The following DCDC1 variants were observed in gnomAD, a reference collection of about 807,000 sequenced individuals.
DCDC1 encodes doublecortin domain containing 1.
A neutral mutation model predicts 178.3 loss-of-function variants in DCDC1; 200 were observed. The observed-to-expected ratio is 1.12, with a 90% CI of 1.00 to 1.26. The LOEUF (loss-of-function observed/expected upper bound fraction) is 1.26. Among genes scored for constraint, DCDC1 ranks in the 50% most tolerant of loss-of-function variants. The pLI is 0.00. For synonymous variants in DCDC1, 690 were observed against 604.8 expected (o/e 1.14, Z -2.07); for missense variants, 1,983 against 1,749.2 (o/e 1.13, Z -2.38).
chr11:30,974,338 GA>G (rs1237032778), intron 20 of DCDC1, among the ~76,000 whole-genome samples: 1 of 146,772 alleles, frequency 6.8e-6, no homozygotes, highest in Non-Finnish European at 1.5e-5. Context: ...ACAAAAGCAA[GA>G]AAAAAATCCC....
At chr11:30,901,866 T>A (rs1944697451) in intron 32 of DCDC1, among the ~76,000 whole-genome samples, 1 of 152,160 alleles carries the variant, frequency 6.6e-6, no homozygotes, top group Non-Finnish European at 1.5e-5. Flanking sequence ...ACAAAATAAG[T>A]AATATCCTAT....
In DCDC1 at chr11:31,334,765, C is replaced by T. The variant is rs187044547; in HGVS notation, c.-7+682G>A. Among the ~76,000 whole-genome samples the T allele has an allele frequency of 1.5e-4, 23 of 152,294 alleles. No individual in the cohort carries two copies. In the East Asian group the frequency reaches 4.1e-3, roughly 27 times the overall value. ...AGCAAATACTGCTGCCTGATCCTTCCTCTGGAAACTTCGTCCCAGAGGGGT... is the reference window on the plus strand; with the variant it reads ...AGCAAATACTGCTGCCTGATCCTTCTTCTGGAAACTTCGTCCCAGAGGGGT... On this transcript the variant is annotated intron_variant, in intron 2 of 38. Transcript: ENST00000684477.
chr11:30,933,359 A>G lies in DCDC1; in HGVS notation c.2716-1407T>C, dbSNP rs534580171. ...GTTAAGAAATTTATATTTTGTTAATATTTTTTCTTGAATTTGTGTTAAATC... is the reference window on the plus strand; with the variant it reads ...GTTAAGAAATTTATATTTTGTTAATGTTTTTTCTTGAATTTGTGTTAAATC... On this transcript the variant is annotated intron_variant, in intron 21 of 38. Transcript: ENST00000684477. 9.4e-4 allele frequency among the ~76,000 whole-genome samples: 142 copies of G among 151,806 alleles called. 1 individual carries two copies. The highest frequency in any genetic ancestry group is 3.4e-3 in the Middle Eastern group (1 of 294).
chr11:30,930,534 A>G (rs2134308367), intron 22 of DCDC1, among the ~76,000 whole-genome samples: 1 of 152,278 alleles, frequency 6.6e-6, no homozygotes, highest in Non-Finnish European at 1.5e-5. Flanking sequence ...ATGAACTGGG[A>G]CATACTGTTC....
chr11:30,981,891 G>A (rs1231133968), intron 20 of DCDC1, among the ~76,000 whole-genome samples: 1 of 151,970 alleles, frequency 6.6e-6, no homozygotes, highest in Non-Finnish European at 1.5e-5. Flanking sequence ...GAGCCAAAAA[G>A]AGCCACCCAG....
At chr11:31,306,960 C>A (rs1948502819) in intron 4 of DCDC1, among the ~76,000 whole-genome samples, 1 of 152,056 alleles carries the variant, frequency 6.6e-6, no homozygotes, top group Non-Finnish European at 1.5e-5. Flanking sequence ...TGTCTTCAGG[C>A]AAAACTAATT....
chr11:31,094,546 C>T (rs1037607073), intron 15 of DCDC1, among the ~76,000 whole-genome samples: 1 of 152,104 alleles, frequency 6.6e-6, no homozygotes, highest in African/African-American at 2.4e-5. Flanking sequence ...ACGCTCATTT[C>T]TGCTGGAGTA....
intron 20 of DCDC1, among the ~76,000 whole-genome samples, chr11:30,988,699 G>A (rs1420627803): frequency 2.6e-5 from 4 of 152,066 alleles, no homozygotes; most frequent in African/African-American, 9.7e-5. Flanking sequence ...TAACACTAAT[G>A]ATAGCTGATA....
chr11:31,213,179 C>G (rs901766282), intron 9 of DCDC1, among the ~76,000 whole-genome samples: 2 of 134,328 alleles, frequency 1.5e-5, no homozygotes, highest in Non-Finnish European at 3.1e-5. Flanking sequence ...TTTACCAGGG[C>G]AGTGGTTTGC....
At chr11:31,260,891 A>G (rs1226087227) in intron 8 of DCDC1, among the ~76,000 whole-genome samples, 1 of 152,218 alleles carries the variant, frequency 6.6e-6, no homozygotes, top group Non-Finnish European at 1.5e-5. Flanking sequence ...AATAGCTGAT[A>G]TATAATTAGT....
At chr11:31,362,597 T>C (rs991561573) in intron 1 of DCDC1, among the ~76,000 whole-genome samples, 1 of 152,112 alleles carries the variant, frequency 6.6e-6, no homozygotes, top group Non-Finnish European at 1.5e-5. Flanking sequence ...AGGCAAACAA[T>C]CTGTCATTTG....
chr11:30,962,959 T>C (rs1949196636), intron 20 of DCDC1, among the ~76,000 whole-genome samples: 1 of 152,098 alleles, frequency 6.6e-6, no homozygotes, highest in South Asian at 2.1e-4. Flanking sequence ...TCTTCAACAA[T>C]ACCTGCTTAT....
intron 34 of DCDC1, among the ~76,000 whole-genome samples, chr11:30,899,132 C>T (rs1200575370): frequency 6.7e-6 from 1 of 148,814 alleles, no homozygotes; most frequent in Non-Finnish European, 1.5e-5. Flanking sequence ...CAAAACAAAA[C>T]AAAAAAACAA....
At chr11:31,042,360 G>A (rs561688657) in intron 20 of DCDC1, among the ~76,000 whole-genome samples, 3 of 152,222 alleles carry the variant, frequency 2.0e-5, no homozygotes, top group African/African-American at 7.2e-5. Flanking sequence ...TTTTTTGCTA[G>A]ACCAGATACC....
intron 17 of DCDC1, among the ~76,000 whole-genome samples, chr11:31,078,840 T>G (rs1957010654): frequency 7.3e-6 from 1 of 136,218 alleles, no homozygotes; most frequent in African/African-American, 2.7e-5. Flanking sequence ...AAATATACAT[T>G]AACAGGTGTT....
intron 9 of DCDC1, among the ~76,000 whole-genome samples, chr11:31,186,943 G>A (rs1046919657): frequency 6.6e-6 from 1 of 151,972 alleles, no homozygotes; most frequent in Non-Finnish European, 1.5e-5. Context: ...CCTCACTCTT[G>A]CTTCCCTGTT....
intron 9 of DCDC1, among the ~76,000 whole-genome samples, chr11:31,235,944 TA>T (rs1309249293): frequency 6.6e-6 from 1 of 152,030 alleles, no homozygotes; most frequent in Non-Finnish European, 1.5e-5. Flanking sequence ...GAAAAACCTC[TA>T]TTTTTTTCCA....
At chr11:31,262,043 T>A (rs1267366923) in intron 8 of DCDC1, among the ~76,000 whole-genome samples, 1 of 151,870 alleles carries the variant, frequency 6.6e-6, no homozygotes, top group Admixed American at 6.6e-5. Context: ...GGTAGGAGGA[T>A]TGCTTGAACA....
chr11:30,987,652 T>G (rs290070), intron 20 of DCDC1, among the ~76,000 whole-genome samples: 3,508 of 152,056 alleles, frequency 0.023, 146 homozygotes, highest in African/African-American at 0.081. Context: ...AAGCTCATTT[T>G]AAGTATTTGG....
Sources: allele counts gnomAD v4.1 joint callset (sites outside exome capture counted in the v4.1 genomes callset), GRCh38; gene constraint gnomAD v4.1.1; transcripts MANE v1.5; gene names NCBI Gene and HGNC (gene_info 2026-07-23, HGNC 2026-07-21).